HERC5: variants seen among roughly 807,000 people sequenced by gnomAD.
The protein encoded by HERC5 is E3 ISG15--protein ligase HERC5.
In HERC5, 99 loss-of-function variants were observed where a neutral mutation model predicts 119.6. That is an observed-to-expected ratio of 0.83 (90% CI 0.70 to 0.98). HERC5 has a LOEUF of 0.98. Among genes scored for constraint, HERC5 ranks in the 50% least tolerant of loss-of-function variants. HERC5 has a pLI of 0.00. For missense variants in HERC5, 1,267 were observed against 1,241.3 expected, an observed-to-expected ratio of 1.02 and a Z score of -0.31; for synonymous variants, 478 against 445.9, an observed-to-expected ratio of 1.07 and a Z score of -0.91.
At chr4:88,467,967 A>G (rs963470315) in intron 7 of HERC5, 2 of 726,638 alleles carry the variant, frequency 2.8e-6, no homozygotes, top group Admixed American at 6.2e-5. Flanking sequence ...TAACAGTTAC[A>G]TGGGCTTAAA....
intron 11 of HERC5, among the ~76,000 whole-genome samples, chr4:88,474,942 A>G (rs543813043): frequency 1.3e-5 from 2 of 152,330 alleles, no homozygotes; most frequent in South Asian, 4.1e-4. Flanking sequence ...CTAAGCACAC[A>G]TAACAAAAAT....
At chr4:88,468,249 G>A in intron 7 of HERC5, 97 bp from the exon 8 acceptor site, 1 of 839,306 alleles carries the variant, frequency 1.2e-6, no homozygotes, top group Non-Finnish European at 1.9e-6. Flanking sequence ...AAGAAAAGAT[G>A]ACTACGTTTA....
chr4:88,460,524 C>T (rs981933483), intron 3 of HERC5, among the ~76,000 whole-genome samples: 2 of 152,220 alleles, frequency 1.3e-5, no homozygotes, highest in Non-Finnish European at 2.9e-5. Context: ...TTCCAACTTC[C>T]ACTCTTCCGG....
chr4:88,474,563 C>T (rs1740990430), intron 11 of HERC5, among the ~76,000 whole-genome samples: 1 of 152,114 alleles, frequency 6.6e-6, no homozygotes, highest in Non-Finnish European at 1.5e-5. Flanking sequence ...CGAATCTCAT[C>T]GTAGGAGTCC....
chr4:88,499,521 C>G (rs905360760), intron 18 of HERC5, among the ~76,000 whole-genome samples: 1 of 152,170 alleles, frequency 6.6e-6, no homozygotes, highest in African/African-American at 2.4e-5. Context: ...TTTGACCCAC[C>G]TCAGAGTTAC....
rs752447516 is a variant in HERC5 at position 88,463,528 on chromosome 4, A to G, written c.689-4A>G. The stretch of plus-strand genomic sequence containing the variant: ...TCACTTCAGCTATTTTTTTCCTTAC[A>G]TAGGTAAAGATGATCCATCCCTTAT... On this transcript the variant is annotated splice_polypyrimidine_tract_variant and splice_region_variant and intron_variant, in intron 4 of 22. Coordinates refer to ENST00000264350, the MANE Select transcript of HERC5 (RefSeq NM_016323.4). The G allele has an allele frequency of 6.2e-6, 10 of 1,604,200 alleles. No homozygotes were observed. The highest frequency in any genetic ancestry group is 4.0e-5 in the African/African-American group (3 of 74,462).
chr4:88,464,896 G>A (rs952033300), intron 6 of HERC5, among the ~76,000 whole-genome samples: 1 of 152,112 alleles, frequency 6.6e-6, no homozygotes, highest in Non-Finnish European at 1.5e-5. Context: ...TCAGCCTCCG[G>A]AGTAGCTGGG....
intron 6 of HERC5, 68 bp from the exon 7 acceptor site, chr4:88,466,991 C>T (rs116024969): frequency 0.016 from 24,120 of 1,496,092 alleles, 244 homozygotes; most frequent in Middle Eastern, 0.047. Context: ...TGGCAATTTA[C>T]TGTATTGCTA....
rs1426636511 is a variant in HERC5, at chr4:88,486,095, C to T, written c.1738-20C>T. ...TGTCTTTAAATATAAAACTTTTTCACAAGTCATATTTTATTTAAGGTAAAC... is the reference window on the plus strand; with the variant it reads ...TGTCTTTAAATATAAAACTTTTTCATAAGTCATATTTTATTTAAGGTAAAC... On this transcript the variant is annotated intron_variant, in intron 13 of 22. Transcript: ENST00000264350. 2.0e-6 allele frequency: 3 copies of T among 1,482,058 alleles called. No individual in the cohort carries two copies. Among genetic ancestry groups the T allele is most frequent in the East Asian group, 2.3e-5 (1 of 43,934 alleles). 91.8% of individuals were successfully genotyped at this position (1,482,058 alleles called of 1,614,324 possible). A position where few individuals can be genotyped will look rare whatever the true frequency, so the allele number is the denominator to read the frequency against.
intron 16 of HERC5, among the ~76,000 whole-genome samples, chr4:88,490,400 G>A (rs1239303965): frequency 2.0e-5 from 3 of 152,154 alleles, no homozygotes; most frequent in Admixed American, 2.0e-4. Flanking sequence ...TGGCCATTAA[G>A]CACTAGACTT....
intron 3 of HERC5, 68 bp from the exon 4 acceptor site, chr4:88,462,067 A>G (rs1057391487): frequency 7.6e-7 from 1 of 1,316,036 alleles, no homozygotes; most frequent in African/African-American, 1.5e-5. Context: ...GAGCATGCAT[A>G]ATGCTTTAGG....
chr4:88,473,754 A>G (rs1332465053), intron 11 of HERC5: 1 of 152,224 alleles, frequency 6.6e-6, no homozygotes, highest in Admixed American at 6.5e-5. Flanking sequence ...TTGCTACTAA[A>G]TACAACCATG....
chr4:88,467,226 G>C, intron 7 of HERC5, 22 bp downstream of exon 7: 1 of 1,604,744 alleles, frequency 6.2e-7, no homozygotes, highest in Admixed American at 1.7e-5. Context: ...AGGAACATAG[G>C]GTTTGGCATA....
At chr4:88,489,834 C>T (rs1411063999) in intron 16 of HERC5, among the ~76,000 whole-genome samples, 1 of 152,018 alleles carries the variant, frequency 6.6e-6, no homozygotes, top group East Asian at 1.9e-4. Flanking sequence ...CATGGTAAAA[C>T]CCTGTCTCTA....
chr4:88,469,558 A>T (rs1740795182), intron 9 of HERC5, among the ~76,000 whole-genome samples: 3 of 152,220 alleles, frequency 2.0e-5, no homozygotes, highest in African/African-American at 7.2e-5. Context: ...GGAGGAGTTG[A>T]TGTTGCAGCT....
chr4:88,488,653 T>G (rs1741542855), intron 15 of HERC5, among the ~76,000 whole-genome samples: 1 of 152,088 alleles, frequency 6.6e-6, no homozygotes, highest in Admixed American at 6.6e-5. Context: ...ACTTCTTAGG[T>G]AAATTCTCCC....
chr4:88,480,648 C>G (rs1340822867), intron 13 of HERC5, among the ~76,000 whole-genome samples: 4 of 152,100 alleles, frequency 2.6e-5, no homozygotes, highest in African/African-American at 9.7e-5. Context: ...AATTTAAATT[C>G]TCTCCAGATG....
rs763846467 is a variant in HERC5, at chr4:88,463,624, G to T, written c.780+1G>T. 1.2e-6 allele frequency: 2 copies of T among 1,611,686 alleles called. No individual in the cohort carries two copies. Among genetic ancestry groups the T allele is most frequent in the East Asian group, 2.2e-5 (1 of 44,872 alleles). On this transcript the variant is annotated splice_donor_variant, in intron 5 of 22. Transcript: ENST00000264350. LOFTEE classifies it high-confidence loss of function. ...CTCTCACAGTGCCCTACTCACACAG[G>T]TGGGTGTACCCTTGTCTCTTTTTGG...
rs1205609970 is a variant in HERC5, at chr4:88,504,352, C to T, written c.2703C>T (p.His901=). 1 of 1,612,124 alleles carries T rather than the reference C, an allele frequency of 6.2e-7. No homozygotes were observed. The highest frequency in any genetic ancestry group is 1.1e-5 in the South Asian group (1 of 90,776). ...ACGAAGACATTATCAAATTATTCCA[C>T]CCCGAAGAACTGAAGGATGTGATTG... ...MCDEDIIKLF[H]PEELKDVIVG... is the part of the protein sequence containing the mutation. The change falls in exon 21 of 23, where the codon CAC becomes CAT. Residue 901 remains histidine (H), a synonymous_variant. Transcript: ENST00000264350.
Sources: gnomAD v4.1 joint callset for allele counts (sites outside exome capture counted in the v4.1 genomes callset) on GRCh38, gnomAD v4.1.1 for gene constraint, MANE v1.5 for transcripts, NCBI Gene and HGNC (gene_info 2026-07-23, HGNC 2026-07-21) for gene names.